The following JADE2 variants were observed in gnomAD, a reference collection of about 807,000 sequenced individuals.
The protein encoded by JADE2 is E3 ubiquitin-protein ligase Jade-2.
In JADE2, 13 loss-of-function variants were observed where a neutral mutation model predicts 85.7. The observed-to-expected ratio is 0.15, with a 90% CI of 0.10 to 0.24. The LOEUF is 0.24. JADE2 is among the 10% of genes least tolerant of loss of function. The pLI, the probability that JADE2 is intolerant of heterozygous loss-of-function variation, is 1.00. For synonymous variants in JADE2, 440 were observed against 456.1 expected (o/e 0.96, Z 0.45); for missense variants, 846 against 1,115.9 (o/e 0.76, Z 3.45).
intron 3 of JADE2, among the ~76,000 whole-genome samples, chr5:134,544,192 C>T (rs541891012): frequency 6.6e-6 from 1 of 152,362 alleles, no homozygotes; most frequent in African/African-American, 2.4e-5. Flanking sequence ...GCCTGGGTCT[C>T]TGGACCGGGA....
At chr5:134,547,992 C>A (rs1158105697) in intron 3 of JADE2, among the ~76,000 whole-genome samples, 1 of 152,164 alleles carries the variant, frequency 6.6e-6, no homozygotes, top group Non-Finnish European at 1.5e-5. Context: ...TGGACTGAGA[C>A]CTTAAGGATG....
Position 134,559,839 on chromosome 5 carries a change from A to G in JADE2, c.321A>G (p.Pro107=), listed in dbSNP as rs780813914. 9 of 1,609,130 alleles carry G rather than the reference A, an allele frequency of 5.6e-6. No individual in the cohort carries two copies. The Admixed American group carries it at 8.5e-5, about 15-fold the overall frequency. Residue 107 remains proline (P), a synonymous_variant, in exon 5 of 12, where the codon CCA becomes CCG. Coordinates refer to ENST00000681547, the MANE Select transcript of JADE2 (RefSeq NM_001388185.1). Reference sequence around the variant, plus strand: ...TGTCTTGATTTTCTAGGATCCTCCCACCACTGGAAGGCCCCCCTGCCCAGG... The same window carrying G: ...TGTCTTGATTTTCTAGGATCCTCCCGCCACTGGAAGGCCCCCCTGCCCAGG... ...AIPEPVVRIL[P]PLEGPPAQAS...
Position 134,564,503 on chromosome 5 carries a change from G to A in JADE2, c.862G>A (p.Gly288Ser), listed in dbSNP as rs759759388. The A allele has an allele frequency of 1.9e-6, 3 of 1,590,012 alleles. No individual in the cohort carries two copies. The highest frequency in any genetic ancestry group is 2.6e-6 in the Non-Finnish European group (3 of 1,168,140). The change falls in exon 8 of 12, where the codon GGC (glycine) becomes AGC (serine). Residue 288 changes from glycine to serine, a missense_variant. Gly to Ser is a moderately conservative substitution (Grantham distance 56, BLOSUM62 0). Around this residue, in one of 9 missense-constraint regions of JADE2, gnomAD observed 129 missense variants for 255.4 expected, o/e 0.51. Coordinates refer to ENST00000681547, the MANE Select transcript of JADE2 (RefSeq NM_001388185.1). The stretch of plus-strand genomic sequence containing the variant: ...CCTGTGTCCTGCCCAGGTCAGCATC[G>A]GCTGCCCAGAGAAGATGGAGCCCAT... Reference protein sequence around the residue: ...CALWIPEVSIGCPEKMEPITK... With the variant: ...CALWIPEVSISCPEKMEPITK...
intron 9 of JADE2, among the ~76,000 whole-genome samples, chr5:134,567,665 G>A (rs376950722): frequency 1.3e-5 from 2 of 152,214 alleles, no homozygotes; most frequent in Admixed American, 6.5e-5. Flanking sequence ...GGGCAAGGCT[G>A]TAAAATGGGT....
chr5:134,538,076 C>T lies in JADE2; in HGVS notation c.146C>T (p.Pro49Leu), dbSNP rs752900936. 6.2e-7 allele frequency: 1 copy of T among 1,613,402 alleles called. No individual in the cohort carries two copies. Among genetic ancestry groups the T allele is most frequent in the Non-Finnish European group, 8.5e-7 (1 of 1,179,340 alleles). Reference sequence around the variant, plus strand: ...TGGCCCCGACAGAACGAAAAGAAGCCCTCCGAGGTGGGTAGTGATGAGCTT... The same window carrying T: ...TGGCCCCGACAGAACGAAAAGAAGCTCTCCGAGGTGGGTAGTGATGAGCTT... ...SGWPRQNEKK[P>L]SEVFRTDLIT... The change falls in exon 3 of 12, where the codon CCC becomes CTC. Residue 49 changes from proline (P) to leucine (L), a missense_variant. Physicochemically the swap from Pro to Leu is moderately conservative, Grantham distance 98. Around this residue, in one of 9 missense-constraint regions of JADE2, gnomAD observed 44 missense variants for 92.0 expected, o/e 0.48. Coordinates refer to ENST00000681547, the MANE Select transcript of JADE2 (RefSeq NM_001388185.1).
chr5:134,542,255 T>C (rs1762005520), intron 3 of JADE2, among the ~76,000 whole-genome samples: 1 of 152,310 alleles, frequency 6.6e-6, no homozygotes, highest in African/African-American at 2.4e-5. Context: ...ATTTACACAA[T>C]GAGTTTCTGG....
chr5:134,533,114 G>A (rs1476768001), intron 1 of JADE2, among the ~76,000 whole-genome samples: 2 of 152,192 alleles, frequency 1.3e-5, no homozygotes, highest in South Asian at 4.1e-4. Context: ...TCTCTGGGCA[G>A]TCAAGGAGTC....
chr5:134,550,936 C>A (rs1305207771), intron 3 of JADE2, among the ~76,000 whole-genome samples: 1 of 152,186 alleles, frequency 6.6e-6, no homozygotes, highest in African/African-American at 2.4e-5. Context: ...CTTCCTACCC[C>A]CCCTTCCCCA....
At chr5:134,540,563 C>G (rs1761906360) in intron 3 of JADE2, among the ~76,000 whole-genome samples, 1 of 152,072 alleles carries the variant, frequency 6.6e-6, no homozygotes, top group South Asian at 2.1e-4. Context: ...TACAGGGACT[C>G]CCCAGTTGCT....
At chr5:134,545,483 A>G (rs192328770) in intron 3 of JADE2, among the ~76,000 whole-genome samples, 3 of 151,710 alleles carry the variant, frequency 2.0e-5, no homozygotes, top group Admixed American at 1.3e-4. Flanking sequence ...GGGGGTAGCT[A>G]TTCTCATAGC....
chr5:134,558,572 C>T (rs1763126821), intron 4 of JADE2, among the ~76,000 whole-genome samples: 1 of 152,214 alleles, frequency 6.6e-6, no homozygotes. Context: ...GAGCTTCGCT[C>T]TTGTTGCCCA....
At chr5:134,526,738 G>C in intron 1 of JADE2, 1 of 985,536 alleles carries the variant, frequency 1.0e-6, no homozygotes, top group African/African-American at 1.7e-5. Context: ...TTTTTGGAGG[G>C]GCGGGGGACA....
At position 134,581,166 on chromosome 5, in the gene JADE2, T is replaced by C. The variant is rs1348459506; in HGVS notation, c.*1849T>C. ...CTCAGTTCAGAGGATCGGACAAATG[T>C]GTCTAGTCCGGGTGGACTCGGAGGG... On this transcript the variant is annotated 3_prime_UTR_variant, in exon 12 of 12. Coordinates refer to ENST00000681547, the MANE Select transcript of JADE2 (RefSeq NM_001388185.1). 1.3e-5 allele frequency: 2 copies of C among 152,542 alleles called. No individual in the cohort carries two copies. The highest frequency in any genetic ancestry group is 4.8e-5 in the African/African-American group (2 of 41,438). 9.4% of individuals were successfully genotyped at this position (152,542 alleles called of 1,614,324 possible).
In JADE2 at chr5:134,564,489, C is replaced by A; in HGVS notation, c.853-5C>A. ...GAATGATGCAGCCCCCTGTGTCCTG[C>A]CCAGGTCAGCATCGGCTGCCCAGAG... On this transcript the variant is annotated splice_polypyrimidine_tract_variant and splice_region_variant and intron_variant, in intron 7 of 11. Transcript: ENST00000681547. 1 of 1,581,384 alleles carries A rather than the reference C, an allele frequency of 6.3e-7. No individual in the cohort carries two copies. Among genetic ancestry groups the A allele is most frequent in the South Asian group, 1.2e-5 (1 of 85,924 alleles).
At chr5:134,553,576 G>T (rs10477763) in intron 4 of JADE2, among the ~76,000 whole-genome samples, 152,264 of 152,306 alleles carry the variant, frequency 1, 76,111 homozygotes, top group Non-Finnish European at 1. Context: ...CTGGTCTCGA[G>T]CTCCTGACCT....
At chr5:134,554,905 C>G (rs1762819804) in intron 4 of JADE2, among the ~76,000 whole-genome samples, 1 of 152,204 alleles carries the variant, frequency 6.6e-6, no homozygotes, top group Admixed American at 6.5e-5. Context: ...TTTCATTTAA[C>G]AATCATATTA....
chr5:134,542,265 G>A (rs1331294672), intron 3 of JADE2, among the ~76,000 whole-genome samples: 2 of 152,126 alleles, frequency 1.3e-5, no homozygotes, highest in African/African-American at 2.4e-5. Flanking sequence ...TGAGTTTCTG[G>A]CCTTGCCTGG....
chr5:134,527,751 C>G (rs968313523), intron 1 of JADE2, among the ~76,000 whole-genome samples: 2 of 152,106 alleles, frequency 1.3e-5, no homozygotes, highest in African/African-American at 4.8e-5. Context: ...ACTCCCCTCC[C>G]AATCCCCTCA....
intron 3 of JADE2, among the ~76,000 whole-genome samples, chr5:134,540,169 G>C (rs1761884284): frequency 6.6e-6 from 1 of 152,048 alleles, no homozygotes; most frequent in Non-Finnish European, 1.5e-5. Context: ...GCCTTGGGGA[G>C]CCCTGCTGGC....
Sources: gnomAD v4.1 joint callset for allele counts (sites outside exome capture counted in the v4.1 genomes callset) on GRCh38, gnomAD v4.1.1 for gene constraint, gnomAD v4.1.1 regional missense constraint, MANE v1.5 for transcripts, NCBI Gene and HGNC (gene_info 2026-07-23, HGNC 2026-07-21) for gene names.